The following KIF21A variants were observed in gnomAD, a reference collection of about 807,000 sequenced individuals.
KIF21A encodes the protein kinesin family member 21A, also known as kinesin-like protein KIF21A.
In KIF21A, 114 loss-of-function variants were observed where a neutral mutation model predicts 202.9. The observed-to-expected ratio is 0.56, with a 90% confidence interval of 0.48 to 0.66. KIF21A has a LOEUF of 0.66. Ranked by LOEUF, KIF21A falls within the 30% of genes least tolerant of loss-of-function variation. The probability of loss-of-function intolerance (pLI) is 0.00; values close to 1 mark genes in which losing one functional copy is unlikely to be tolerated. For synonymous variants in KIF21A, 667 were observed against 670.8 expected (o/e 0.99, Z 0.09); for missense variants, 1,677 against 1,994.9 (o/e 0.84, Z 3.04).
intron 1 of KIF21A, among the ~76,000 whole-genome samples, chr12:39,374,936 T>G (rs1408009823): frequency 6.6e-6 from 1 of 152,190 alleles, no homozygotes; most frequent in Non-Finnish European, 1.5e-5. Context: ...CCAGTACTTC[T>G]TATTGTTTGT....
chr12:39,356,374 C>G (rs368827470), intron 10 of KIF21A, among the ~76,000 whole-genome samples: 2 of 152,016 alleles, frequency 1.3e-5, no homozygotes, highest in East Asian at 1.9e-4. Flanking sequence ...ATGGATGTAC[C>G]ACAGAGGGGC....
rs187579560 is a variant in KIF21A at position 39,404,102 on chromosome 12, G to A, written c.45-33841C>T. Among the ~76,000 whole-genome samples, 13 of 152,182 alleles carry A rather than the reference G, an allele frequency of 8.5e-5. No homozygotes were observed. The South Asian group carries it at 1.7e-3, about 19-fold the overall frequency. On this transcript the variant is annotated intron_variant, in intron 1 of 37. Coordinates refer to ENST00000361418, the MANE Select transcript of KIF21A (RefSeq NM_001173464.2). ...TTTATTCATTCATTTTATAGACAGG[G>A]TCTCACTATGTTGCCCAGGCTAGAG...
At chr12:39,298,776 C>A (rs1257399511) in intron 37 of KIF21A, among the ~76,000 whole-genome samples, 1 of 151,842 alleles carries the variant, frequency 6.6e-6, no homozygotes, top group African/African-American at 2.4e-5. Flanking sequence ...GAAAATGAGA[C>A]CAGTAATTAT....
At chr12:39,358,904 T>C (rs1413432779) in intron 7 of KIF21A, among the ~76,000 whole-genome samples, 2 of 152,152 alleles carry the variant, frequency 1.3e-5, no homozygotes, top group East Asian at 3.9e-4. Flanking sequence ...CTGGCCAGAT[T>C]ACATAGGAAA....
At chr12:39,373,511 C>A (rs888239117) in intron 1 of KIF21A, among the ~76,000 whole-genome samples, 1 of 152,114 alleles carries the variant, frequency 6.6e-6, no homozygotes, top group African/African-American at 2.4e-5. Flanking sequence ...AGCTTTATGG[C>A]TGCTATACTA....
At chr12:39,378,333 G>T (rs1950392832) in intron 1 of KIF21A, among the ~76,000 whole-genome samples, 1 of 152,114 alleles carries the variant, frequency 6.6e-6, no homozygotes, top group Non-Finnish European at 1.5e-5. Flanking sequence ...TTGAATAGCA[G>T]ATGTCCAAAG....
intron 27 of KIF21A, 137 bp downstream of exon 27, chr12:39,322,531 C>G: frequency 3.0e-6 from 2 of 662,402 alleles, no homozygotes; most frequent in Non-Finnish European, 5.1e-6. Context: ...GGGGAGACAA[C>G]ACCTAGCAAA....
chr12:39,305,016 T>C (rs1943314666), intron 34 of KIF21A, 78 bp from the exon 35 acceptor site: 1 of 736,792 alleles, frequency 1.4e-6, no homozygotes, highest in South Asian at 1.5e-5. Context: ...ATAAACGATC[T>C]ACATTCTTTC....
intron 1 of KIF21A, among the ~76,000 whole-genome samples, chr12:39,372,970 C>T (rs773957843): frequency 1.3e-5 from 2 of 152,156 alleles, no homozygotes; most frequent in African/African-American, 2.4e-5. Flanking sequence ...CTTCAGCCCA[C>T]CAAGTTATTT....
chr12:39,356,611 A>G, intron 10 of KIF21A: 1 of 401,598 alleles, frequency 2.5e-6, no homozygotes, highest in South Asian at 3.5e-5. Context: ...ACATAGCAGT[A>G]AGAGTAGGAG....
At chr12:39,369,628 T>A in intron 3 of KIF21A, 101 bp downstream of exon 3, 1 of 838,582 alleles carries the variant, frequency 1.2e-6, no homozygotes, top group Non-Finnish European at 1.9e-6. Flanking sequence ...TATTGAGTAC[T>A]ATCTTCAAAG....
intron 12 of KIF21A, among the ~76,000 whole-genome samples, chr12:39,342,376 G>A (rs543649641): frequency 2.0e-5 from 3 of 152,234 alleles, no homozygotes; most frequent in Non-Finnish European, 4.4e-5. Flanking sequence ...GATTATGCCC[G>A]AAAGCACGAG....
At chr12:39,367,332 A>G (rs961461000) in intron 4 of KIF21A, 168 bp from the exon 5 acceptor site, 3 of 661,560 alleles carry the variant, frequency 4.5e-6, no homozygotes, top group South Asian at 1.8e-5. Context: ...ACTTCTCAGT[A>G]TAATAGTGTA....
chr12:39,416,767 A>ATATATGTACATATATATGTG lies in KIF21A; in HGVS notation c.44+26159_44+26160insCACATATATATGTACATATA, dbSNP rs1566270081. Among the ~76,000 whole-genome samples the ATATATGTACATATATATGTG allele has an allele frequency of 4.6e-4, 63 of 136,386 alleles. 6 individuals are homozygous for ATATATGTACATATATATGTG. The highest frequency in any genetic ancestry group is 1.7e-3 in the African/African-American group (59 of 34,620). The allele number at this position is 136,386 out of a possible 152,430, so 89.5% of individuals were successfully genotyped here. The stretch of plus-strand genomic sequence containing the variant: ...TATATATGTACATATATATGTGTAT[A>ATATATGTACATATATATGTG]TATATATGTACATATATATGTGTAT... On this transcript the variant is annotated intron_variant, in intron 1 of 37. Coordinates refer to ENST00000361418, the MANE Select transcript of KIF21A (RefSeq NM_001173464.2).
chr12:39,303,743 G>A (rs541475550), intron 35 of KIF21A, among the ~76,000 whole-genome samples: 3 of 152,124 alleles, frequency 2.0e-5, no homozygotes, highest in Non-Finnish European at 2.9e-5. Context: ...TGACTATTAG[G>A]TAACTCTGCA....
chr12:39,353,969 T>C (rs1377571197), intron 10 of KIF21A, among the ~76,000 whole-genome samples: 2 of 152,094 alleles, frequency 1.3e-5, no homozygotes, highest in African/African-American at 2.4e-5. Flanking sequence ...ACAAACTTCT[T>C]TGGGAAGGAG....
intron 1 of KIF21A, among the ~76,000 whole-genome samples, chr12:39,394,043 T>C (rs1373581426): frequency 1.3e-5 from 2 of 152,224 alleles, no homozygotes; most frequent in African/African-American, 4.8e-5. Flanking sequence ...GGAACTCAAG[T>C]ATCTATACTA....
At chr12:39,368,091 A>G in intron 3 of KIF21A, 59 bp from the exon 4 acceptor site, 1 of 993,194 alleles carries the variant, frequency 1.0e-6, no homozygotes. Flanking sequence ...AGTTGTCATA[A>G]CAACACATTA....
intron 1 of KIF21A, among the ~76,000 whole-genome samples, chr12:39,406,993 C>T (rs1952644405): frequency 1.3e-5 from 2 of 152,186 alleles, no homozygotes; most frequent in African/African-American, 4.8e-5. Context: ...ATATACTTTG[C>T]TTTCAATATT....
Sources: gnomAD v4.1 joint callset for allele counts (sites outside exome capture counted in the v4.1 genomes callset) on GRCh38, gnomAD v4.1.1 for gene constraint, MANE v1.5 for transcripts, NCBI Gene and HGNC (gene_info 2026-07-23, HGNC 2026-07-21) for gene names.